The following GPC5 variants were observed in gnomAD, a reference collection of about 807,000 sequenced individuals.
The protein encoded by GPC5 is glypican 5.
Under a neutral mutation model 53.9 loss-of-function variants are expected in GPC5, and 47 were observed. That is an observed-to-expected ratio of 0.87 (90% CI 0.69 to 1.11). The LOEUF (loss-of-function observed/expected upper bound fraction) is 1.11, where lower values mean the gene tolerates loss of function less well. Ranked by LOEUF, GPC5 falls within the 50% of genes most tolerant of loss-of-function variation. The pLI is 0.00. For synonymous variants in GPC5, 286 were observed against 263.3 expected (o/e 1.09, Z -0.84); for missense variants, 748 against 713.1 (o/e 1.05, Z -0.56).
intron 7 of GPC5, among the ~76,000 whole-genome samples, chr13:92,647,833 C>T (rs1034627731): frequency 4.6e-5 from 7 of 152,076 alleles, no homozygotes; most frequent in African/African-American, 1.7e-4. Context: ...ATATATTTTT[C>T]ATTCATTCAA....
chr13:92,494,276 A>G (rs1254491622), intron 7 of GPC5, among the ~76,000 whole-genome samples: 1 of 152,126 alleles, frequency 6.6e-6, no homozygotes, highest in Non-Finnish European at 1.5e-5. Context: ...TCTTTAGTAG[A>G]GACGGGGTTT....
chr13:92,691,126 C>T (rs1212274072), intron 7 of GPC5, among the ~76,000 whole-genome samples: 4 of 98,204 alleles, frequency 4.1e-5, no homozygotes, highest in Non-Finnish European at 7.8e-5. Flanking sequence ...CTTTGTTTAC[C>T]TAAGCAAGCC....
At chr13:92,171,110 C>T (rs2042067513) in intron 7 of GPC5, among the ~76,000 whole-genome samples, 1 of 152,042 alleles carries the variant, frequency 6.6e-6, no homozygotes, top group Non-Finnish European at 1.5e-5. Context: ...AACTTTGTTC[C>T]ACAAGATATT....
chr13:92,096,075 G>C (rs1034812024), intron 6 of GPC5, among the ~76,000 whole-genome samples: 12 of 152,188 alleles, frequency 7.9e-5, no homozygotes, highest in Non-Finnish European at 1.3e-4. Context: ...TACCATCTCA[G>C]AAACCTTCAG....
chr13:92,142,162 G>C (rs1318798705), intron 6 of GPC5, among the ~76,000 whole-genome samples: 2 of 152,252 alleles, frequency 1.3e-5, no homozygotes, highest in African/African-American at 4.8e-5. Context: ...AAACCTGCAC[G>C]TTGTGCACAT....
chr13:91,428,094 G>GACTA (rs1220067970), intron 1 of GPC5, among the ~76,000 whole-genome samples: 1 of 152,092 alleles, frequency 6.6e-6, no homozygotes, highest in Non-Finnish European at 1.5e-5. Context: ...TGTGAAAATG[G>GACTA]ACTAACACAA....
At chr13:92,310,744 T>A (rs1180163782) in intron 7 of GPC5, among the ~76,000 whole-genome samples, 2 of 152,350 alleles carry the variant, frequency 1.3e-5, no homozygotes, top group East Asian at 3.9e-4. Context: ...CCCTACTGCC[T>A]TTTTCTAGGC....
chr13:91,595,604 G>A (rs535522703), intron 2 of GPC5, among the ~76,000 whole-genome samples: 1 of 152,044 alleles, frequency 6.6e-6, no homozygotes, highest in Non-Finnish European at 1.5e-5. Flanking sequence ...ATTTTCTTCT[G>A]TATTGTATAT....
At chr13:91,685,254 G>A (rs1366812623) in intron 2 of GPC5, among the ~76,000 whole-genome samples, 3 of 152,158 alleles carry the variant, frequency 2.0e-5, no homozygotes, top group African/African-American at 4.8e-5. Context: ...GCAGTGAGCC[G>A]AGATTGTGCC....
chr13:92,316,828 G>GT (rs907475153), intron 7 of GPC5, among the ~76,000 whole-genome samples: 8 of 152,036 alleles, frequency 5.3e-5, no homozygotes, highest in Non-Finnish European at 8.8e-5. Context: ...TTTCTTTTAT[G>GT]TTTTTTGTTG....
chr13:92,127,411 C>T (rs7992010), intron 6 of GPC5, among the ~76,000 whole-genome samples: 30,728 of 151,504 alleles, frequency 0.2, 3,898 homozygotes, highest in African/African-American at 0.35. Context: ...TGAACTTATA[C>T]AGGGTAAAAA....
intron 2 of GPC5, among the ~76,000 whole-genome samples, chr13:91,641,718 T>G (rs549228279): frequency 1.3e-5 from 2 of 152,354 alleles, no homozygotes; most frequent in Admixed American, 1.3e-4. Flanking sequence ...TGGTATCATA[T>G]TTAGTTTATC....
chr13:92,660,854 T>G (rs2139185174), intron 7 of GPC5, among the ~76,000 whole-genome samples: 1 of 152,298 alleles, frequency 6.6e-6, no homozygotes, highest in Middle Eastern at 3.4e-3. Flanking sequence ...TATTCAGCTC[T>G]GGAAACATGG....
Position 92,064,454 on chromosome 13 carries a change from G to C in GPC5, c.1402-80376G>C, listed in dbSNP as rs199605916. On this transcript the variant is annotated intron_variant, in intron 6 of 7. Coordinates refer to ENST00000377067, the MANE Select transcript of GPC5 (RefSeq NM_004466.6). ...AGAAACTTGAAACAGGAGAAGCTTA[G>C]AGATTTTAAAACCTCAGAGGCGGCC... 9.2e-5 allele frequency among the ~76,000 whole-genome samples: 14 copies of C among 152,244 alleles called. No homozygotes were observed. In the East Asian group the frequency reaches 2.3e-3, roughly 25 times the overall value.
At chr13:92,467,836 G>A (rs1193913222) in intron 7 of GPC5, among the ~76,000 whole-genome samples, 1 of 152,076 alleles carries the variant, frequency 6.6e-6, no homozygotes, top group East Asian at 1.9e-4. Context: ...GATATATGCA[G>A]TTTAAATGTC....
At chr13:92,374,869 G>GA (rs560669472) in intron 7 of GPC5, among the ~76,000 whole-genome samples, 35 of 124,342 alleles carry the variant, frequency 2.8e-4, no homozygotes, top group East Asian at 1.4e-3. Flanking sequence ...AAAAAAAATA[G>GA]AAAAAAAAAA....
At chr13:91,623,244 T>G (rs183282918) in intron 2 of GPC5, among the ~76,000 whole-genome samples, 1 of 152,294 alleles carries the variant, frequency 6.6e-6, no homozygotes, top group African/African-American at 2.4e-5. Flanking sequence ...GTACTATACT[T>G]TTTAAGCAAA....
intron 1 of GPC5, among the ~76,000 whole-genome samples, chr13:91,429,539 A>T (rs898597245): frequency 5.9e-5 from 9 of 152,212 alleles, no homozygotes; most frequent in African/African-American, 1.9e-4. Flanking sequence ...ATATGGAAAG[A>T]TGATAGAATG....
At chr13:92,773,480 C>A (rs1349319447) in intron 7 of GPC5, among the ~76,000 whole-genome samples, 3 of 152,118 alleles carry the variant, frequency 2.0e-5, no homozygotes, top group Non-Finnish European at 4.4e-5. Flanking sequence ...TAAAGGATTT[C>A]TTCTACTGAG....
Sources: allele counts gnomAD v4.1 joint callset (sites outside exome capture counted in the v4.1 genomes callset), GRCh38; gene constraint gnomAD v4.1.1; transcripts MANE v1.5; gene names NCBI Gene and HGNC (gene_info 2026-07-23, HGNC 2026-07-21).